Variants in BIRC6 observed in about 807,000 individuals in gnomAD.
BIRC6 encodes dual E2 ubiquitin-conjugating enzyme/E3 ubiquitin-protein ligase BIRC6.
In BIRC6, 98 loss-of-function variants were observed where a neutral mutation model predicts 503.3. That is an observed-to-expected ratio of 0.19 (90% CI 0.17 to 0.23). The LOEUF is 0.23. BIRC6 is among the 10% of genes least tolerant of loss of function. The pLI, the probability that BIRC6 is intolerant of heterozygous loss-of-function variation, is 1.00. For synonymous variants in BIRC6, 2,240 were observed against 2,078.7 expected (o/e 1.08, Z -2.11); for missense variants, 5,360 against 5,806.0 (o/e 0.92, Z 2.50).
chr2:32,377,391 C>G (rs559354248), intron 1 of BIRC6, among the ~76,000 whole-genome samples, 197 bp from the exon 2 acceptor site: 1 of 152,084 alleles, frequency 6.6e-6, no homozygotes, highest in Non-Finnish European at 1.5e-5. Context: ...AGTAATTTCA[C>G]ATTGATACTT....
In BIRC6 at chr2:32,392,155, A is replaced by G. The variant is rs956681648; in HGVS notation, c.951+5A>G. ...CAAGCTGGATTTTATCATCAGGTAAAAAAAGAATATAAAAAAATACTTTTC... is the reference window on the plus strand; with the variant it reads ...CAAGCTGGATTTTATCATCAGGTAAGAAAAGAATATAAAAAAATACTTTTC... On this transcript the variant is annotated splice_donor_5th_base_variant and intron_variant, in intron 5 of 73. Coordinates refer to ENST00000421745, the MANE Select transcript of BIRC6 (RefSeq NM_016252.4). 2 of 1,539,404 alleles carry G rather than the reference A, an allele frequency of 1.3e-6. No individual in the cohort carries two copies. Among genetic ancestry groups the G allele is most frequent in the African/African-American group, 2.7e-5 (2 of 72,894 alleles).
intron 57 of BIRC6, chr2:32,521,908 G>C (rs2055765453): frequency 1.3e-5 from 2 of 152,008 alleles, no homozygotes; most frequent in Non-Finnish European, 2.9e-5. Context: ...CTTATGATTA[G>C]AGTTTGTCGA....
At chr2:32,555,362 C>T (rs551520498) in intron 65 of BIRC6, among the ~76,000 whole-genome samples, 83 of 152,134 alleles carry the variant, frequency 5.5e-4, no homozygotes, top group African/African-American at 1.9e-3. Context: ...TAAAATAGGC[C>T]GGGTGAAGTG....
chr2:32,404,816 C>A (rs982010884), intron 8 of BIRC6, among the ~76,000 whole-genome samples: 1 of 151,910 alleles, frequency 6.6e-6, no homozygotes, highest in Non-Finnish European at 1.5e-5. Flanking sequence ...CATGTACCAC[C>A]ATGCCCAGCT....
chr2:32,607,390 C>A, intron 71 of BIRC6, 65 bp from the exon 72 acceptor site: 2 of 1,120,532 alleles, frequency 1.8e-6, no homozygotes. Context: ...GTGGATAAAG[C>A]AGGATATCAG....
At chr2:32,551,699 A>G (rs1038650584) in intron 65 of BIRC6, among the ~76,000 whole-genome samples, 3 of 152,186 alleles carry the variant, frequency 2.0e-5, no homozygotes, top group African/African-American at 7.2e-5. Context: ...TCATTTGCGT[A>G]TATAGTATTA....
intron 1 of BIRC6, among the ~76,000 whole-genome samples, chr2:32,359,201 T>G (rs970242973): frequency 6.6e-6 from 1 of 152,242 alleles, no homozygotes; most frequent in Admixed American, 6.5e-5. Context: ...ATCTTGAGGA[T>G]GTAGTATTTT....
chr2:32,618,704 T>A lies in BIRC6; in HGVS notation c.*800T>A, dbSNP rs570940646. 2 of 152,766 alleles carry A rather than the reference T, an allele frequency of 1.3e-5. No homozygotes were observed. The highest frequency in any genetic ancestry group is 4.8e-5 in the African/African-American group (2 of 41,580). 9.5% of individuals were successfully genotyped at this position (152,766 alleles called of 1,614,324 possible). A position where few individuals can be genotyped will look rare whatever the true frequency, so the allele number is the denominator to read the frequency against. ...TTTTTTTTCTAAAGGGCTCCTTTTT[T>A]CCTGGACTATGTGGTTTTATGACTA... On this transcript the variant is annotated 3_prime_UTR_variant, in exon 74 of 74. Transcript: ENST00000421745.
Position 32,531,248 on chromosome 2 carries a change from C to T in BIRC6, c.12095-107C>T, listed in dbSNP as rs1225169260. 3.2e-6 allele frequency: 3 copies of T among 942,822 alleles called. No individual in the cohort carries two copies. The Admixed American group carries it at 8.7e-5, about 27-fold the overall frequency. 58.4% of individuals were successfully genotyped at this position (942,822 alleles called of 1,614,324 possible). On this transcript the variant is annotated intron_variant, in intron 60 of 73. Transcript: ENST00000421745. ...ATCTAAATAAATGATGTTTTGTGCTCTTTTTTGAGTAGCAAGAAAGCAGTA... is the reference window on the plus strand; with the variant it reads ...ATCTAAATAAATGATGTTTTGTGCTTTTTTTTGAGTAGCAAGAAAGCAGTA...
intron 59 of BIRC6, 34 bp from the exon 60 acceptor site, chr2:32,529,617 G>C (rs773494404): frequency 6.9e-7 from 1 of 1,452,326 alleles, no homozygotes; most frequent in Non-Finnish European, 9.1e-7. Context: ...TTTCTTTCTC[G>C]GTTTCCAGAT....
At chr2:32,461,386 A>C (rs1228383451) in intron 23 of BIRC6, among the ~76,000 whole-genome samples, 1 of 120,392 alleles carries the variant, frequency 8.3e-6, no homozygotes, top group African/African-American at 3.7e-5. Flanking sequence ...GTGTGTGTTT[A>C]GTAGAGACAA....
At chr2:32,433,513 T>C (rs1403185015) in intron 12 of BIRC6, 131 bp from the exon 13 acceptor site, 1 of 667,284 alleles carries the variant, frequency 1.5e-6, no homozygotes, top group African/African-American at 1.8e-5. Flanking sequence ...TCTCTCTTGA[T>C]CCCATTGAGA....
intron 70 of BIRC6, among the ~76,000 whole-genome samples, chr2:32,601,656 A>G (rs1347286125): frequency 6.6e-6 from 1 of 152,216 alleles, no homozygotes; most frequent in African/African-American, 2.4e-5. Flanking sequence ...AAAGTGTACA[A>G]AATCTGATGA....
intron 9 of BIRC6, among the ~76,000 whole-genome samples, chr2:32,413,283 C>T (rs1220233921): frequency 1.3e-5 from 2 of 151,038 alleles, no homozygotes; most frequent in Non-Finnish European, 2.9e-5. Flanking sequence ...TGGCTTCAAG[C>T]GATTTTCCAG....
At chr2:32,444,968 T>C (rs2045804106) in intron 20 of BIRC6, among the ~76,000 whole-genome samples, 1 of 152,244 alleles carries the variant, frequency 6.6e-6, no homozygotes, top group Non-Finnish European at 1.5e-5. Context: ...TTTTGGCATG[T>C]ATGTAGCAGT....
rs61757639 is a variant in BIRC6 at position 32,515,417 on chromosome 2, C to T, written c.10996C>T (p.Arg3666Cys). ...SIDISQDKLRRHHVPQQCNKM... is the reference protein window; with the variant it reads ...SIDISQDKLRCHHVPQQCNKM... The stretch of plus-strand genomic sequence containing the variant: ...AGATATTTCCCAGGACAAACTCAGG[C>T]GCCATCATGTCCCACAACAATGTAA... The change falls in exon 55 of 74, where the codon CGC becomes TGC. Residue 3666 changes from arginine (R) to cysteine (C), a missense_variant. Physicochemically the swap from Arg to Cys is radical, Grantham distance 180 (BLOSUM62 -3). This residue lies in a region of BIRC6 where 878 missense variants were observed against 928.9 expected (regional missense o/e 0.95). Transcript: ENST00000421745. 5.6e-6 allele frequency: 9 copies of T among 1,612,954 alleles called. No individual in the cohort carries two copies. Among genetic ancestry groups the T allele is most frequent in the South Asian group, 2.2e-5 (2 of 91,074 alleles).
At chr2:32,585,996 G>T (rs1288407937) in intron 66 of BIRC6, among the ~76,000 whole-genome samples, 1 of 152,144 alleles carries the variant, frequency 6.6e-6, no homozygotes, top group Non-Finnish European at 1.5e-5. Context: ...AGGTAATAAA[G>T]CTGAGATTTA....
intron 73 of BIRC6, among the ~76,000 whole-genome samples, chr2:32,615,681 G>A (rs927674158): frequency 5.9e-5 from 9 of 152,074 alleles, no homozygotes; most frequent in African/African-American, 2.2e-4. Flanking sequence ...CTGCCAGGCT[G>A]GAGTGCAGTG....
chr2:32,488,596 A>G lies in BIRC6; in HGVS notation c.7977A>G (p.Ser2659=). 1 of 1,522,692 alleles carries G rather than the reference A, an allele frequency of 6.6e-7. No homozygotes were observed. Among genetic ancestry groups the G allele is most frequent in the Non-Finnish European group, 8.8e-7 (1 of 1,136,070 alleles). 94.3% of individuals were successfully genotyped at this position (1,522,692 alleles called of 1,614,324 possible). Reference sequence around the variant, plus strand: ...TTTTCATTCTTTTTCAGTTGGAGTCACTTCTCCAATTGTGGCTCACACTGA... The same window carrying G: ...TTTTCATTCTTTTTCAGTTGGAGTCGCTTCTCCAATTGTGGCTCACACTGA... ...MLQVHHVQLE[S]LLQLWLTLSL... The change falls in exon 42 of 74, where the codon TCA becomes TCG. Residue 2659 remains serine, a synonymous_variant. Coordinates refer to ENST00000421745, the MANE Select transcript of BIRC6 (RefSeq NM_016252.4).
Sources: allele counts gnomAD v4.1 joint callset (sites outside exome capture counted in the v4.1 genomes callset), GRCh38; gene constraint gnomAD v4.1.1; regional missense constraint gnomAD v4.1.1; transcripts MANE v1.5; gene names NCBI Gene and HGNC (gene_info 2026-07-23, HGNC 2026-07-21).